Variants in FAM204A observed in about 807,000 individuals in gnomAD.
The protein encoded by FAM204A is family with sequence similarity 204 member A.
A neutral mutation model predicts 35.4 loss-of-function variants in FAM204A; 16 were observed. The observed-to-expected ratio is 0.45, with a 90% CI of 0.31 to 0.69. FAM204A has a LOEUF of 0.69. Ranked by LOEUF, FAM204A falls within the 30% of genes least tolerant of loss-of-function variation. FAM204A has a pLI of 0.07. For missense variants in FAM204A, 240 were observed against 265.7 expected (o/e 0.90, Z 0.67); for synonymous variants, 76 against 86.9 (o/e 0.88, Z 0.70).
intron 7 of FAM204A, among the ~76,000 whole-genome samples, chr10:118,317,539 G>A (rs1846050909): frequency 6.6e-6 from 1 of 151,898 alleles, no homozygotes; most frequent in Non-Finnish European, 1.5e-5. Context: ...AATGAGATTT[G>A]AATAAGCACA....
At chr10:118,316,561 G>A (rs1251010668) in intron 7 of FAM204A, among the ~76,000 whole-genome samples, 6 of 152,216 alleles carry the variant, frequency 3.9e-5, no homozygotes, top group South Asian at 2.1e-4. Flanking sequence ...ATGTTTGCAC[G>A]TTTGTATACT....
At chr10:118,338,648 C>A (rs1158399398) in intron 2 of FAM204A, among the ~76,000 whole-genome samples, 6 of 152,190 alleles carry the variant, frequency 3.9e-5, no homozygotes, top group African/African-American at 1.4e-4. Flanking sequence ...ATACACATAG[C>A]AAGTTTCTGC....
At chr10:118,339,600 T>A (rs773103457) in intron 2 of FAM204A, among the ~76,000 whole-genome samples, 1 of 152,218 alleles carries the variant, frequency 6.6e-6, no homozygotes, top group Non-Finnish European at 1.5e-5. Flanking sequence ...GCCAAGTCCA[T>A]ATAACAGCCA....
intron 7 of FAM204A, among the ~76,000 whole-genome samples, chr10:118,313,625 C>CA (rs1293207777): frequency 6.6e-6 from 1 of 152,112 alleles, no homozygotes; most frequent in Non-Finnish European, 1.5e-5. Flanking sequence ...TCCCCATCGC[C>CA]AAAACGTAAA....
intron 6 of FAM204A, 56 bp from the exon 7 acceptor site, chr10:118,326,299 G>C (rs1846196876): frequency 7.0e-7 from 1 of 1,422,512 alleles, no homozygotes; most frequent in Non-Finnish European, 9.9e-7. Flanking sequence ...ACATTTGCTA[G>C]CCAAGACCAT....
In FAM204A at chr10:118,302,542, T is replaced by C. The variant is rs948366240; in HGVS notation, c.*8315A>G. The stretch of plus-strand genomic sequence containing the variant: ...CACAGAAACATCTGAGGACTTTAAT[T>C]AAGCCCTCCACCATCGGGAATGGAA... On this transcript the variant is annotated 3_prime_UTR_variant, in exon 9 of 9. Transcript: ENST00000369183. 4 of 152,240 alleles carry C rather than the reference T, an allele frequency of 2.6e-5. No homozygotes were observed. Among genetic ancestry groups the C allele is most frequent in the Admixed American group, 6.5e-5 (1 of 15,286 alleles). The allele number at this position is 152,240 out of a possible 1,614,324, so 9.4% of individuals were successfully genotyped here.
chr10:118,334,370 G>T (rs57052078), intron 6 of FAM204A, among the ~76,000 whole-genome samples: 1 of 152,188 alleles, frequency 6.6e-6, no homozygotes, highest in Admixed American at 6.5e-5. Flanking sequence ...CAATCCAGAG[G>T]CAAGTATCAT....
intron 7 of FAM204A, among the ~76,000 whole-genome samples, chr10:118,323,529 T>A (rs1385474694): frequency 6.6e-6 from 1 of 152,068 alleles, no homozygotes; most frequent in Non-Finnish European, 1.5e-5. Flanking sequence ...ACCTTCTGCA[T>A]CCCTAAGGAC....
chr10:118,322,319 C>T (rs886344105), intron 7 of FAM204A: 5 of 455,614 alleles, frequency 1.1e-5, no homozygotes, highest in South Asian at 3.1e-5. Context: ...AGTAGTTAAT[C>T]GAAGTAACAC....
chr10:118,313,738 T>C (rs1202496582), intron 7 of FAM204A, among the ~76,000 whole-genome samples: 1 of 152,196 alleles, frequency 6.6e-6, no homozygotes, highest in Non-Finnish European at 1.5e-5. Context: ...CTAGCTTCTC[T>C]TATATTTCAA....
chr10:118,337,969 G>C (rs923374828), intron 2 of FAM204A, among the ~76,000 whole-genome samples: 16 of 152,112 alleles, frequency 1.1e-4, no homozygotes, highest in Non-Finnish European at 2.4e-4. Context: ...GCAATCATTT[G>C]CTTCCTTGAT....
Position 118,307,034 on chromosome 10 carries a change from G to A in FAM204A, c.*3823C>T, listed in dbSNP as rs1434150553. The A allele has an allele frequency of 6.6e-6, 1 of 152,032 alleles. No homozygotes were observed. The highest frequency in any genetic ancestry group is 1.5e-5 in the Non-Finnish European group (1 of 68,004). The allele number at this position is 152,032 out of a possible 1,614,324, so 9.4% of individuals were successfully genotyped here. A position where few individuals can be genotyped will look rare whatever the true frequency, so the allele number is the denominator to read the frequency against. On this transcript the variant is annotated 3_prime_UTR_variant, in exon 9 of 9. Transcript: ENST00000369183. ...CTTATTGTCTCAGTATCCTACAAAG[G>A]CCAAGAATATATATTGATAAATTTA...
At chr10:118,335,063 TCA>T in intron 6 of FAM204A, 49 bp downstream of exon 6, 1 of 1,355,522 alleles carries the variant, frequency 7.4e-7, no homozygotes, top group Non-Finnish European at 1.0e-6. Context: ...GCGAGGCTAA[TCA>T]CAAACATATC....
Position 118,301,875 on chromosome 10 carries a change from CAT to C in FAM204A, c.*8980_*8981del, listed in dbSNP as rs1399379466. 1.3e-5 allele frequency: 2 copies of C among 152,340 alleles called. No individual in the cohort carries two copies. Among genetic ancestry groups the C allele is most frequent in the African/African-American group, 4.8e-5 (2 of 41,460 alleles). 9.4% of individuals were successfully genotyped at this position (152,340 alleles called of 1,614,324 possible). ...GCTGGGATTCAAATCTGGCTTGCTT[CAT>C]AGTCCAGGGTGTAGCAGTTTCACTA... is the stretch of plus-strand genomic sequence containing the variant. On this transcript the variant is annotated 3_prime_UTR_variant, in exon 9 of 9. Coordinates refer to ENST00000369183, the MANE Select transcript of FAM204A (RefSeq NM_022063.3).
intron 7 of FAM204A, among the ~76,000 whole-genome samples, chr10:118,314,976 A>G (rs1371703641): frequency 1.3e-5 from 2 of 152,094 alleles, no homozygotes; most frequent in African/African-American, 4.8e-5. Flanking sequence ...ATATATTAAA[A>G]GCCATAAAAG....
Position 118,336,429 on chromosome 10 carries a change from A to G in FAM204A, c.-8-6T>C. 1 of 1,597,504 alleles carries G rather than the reference A, an allele frequency of 6.3e-7. No homozygotes were observed. Among genetic ancestry groups the G allele is most frequent in the Middle Eastern group, 1.7e-4 (1 of 5,960 alleles). Reference sequence around the variant, plus strand: ...CCCACTCCACATCTTTTCTTCTATGAGGAAAAAGATTAATTTACACATGTA... The same window carrying G: ...CCCACTCCACATCTTTTCTTCTATGGGGAAAAAGATTAATTTACACATGTA... On this transcript the variant is annotated splice_region_variant and splice_polypyrimidine_tract_variant and intron_variant, in intron 2 of 8. Coordinates refer to ENST00000369183, the MANE Select transcript of FAM204A (RefSeq NM_022063.3).
chr10:118,320,017 C>CGG (rs1846087084), intron 7 of FAM204A, among the ~76,000 whole-genome samples: 1 of 151,900 alleles, frequency 6.6e-6, no homozygotes, highest in Non-Finnish European at 1.5e-5. Context: ...ATAGGTATAA[C>CGG]TGAAATCAAC....
intron 6 of FAM204A, among the ~76,000 whole-genome samples, chr10:118,334,496 C>G (rs1194103123): frequency 1.3e-5 from 2 of 152,176 alleles, no homozygotes; most frequent in Non-Finnish European, 2.9e-5. Context: ...CTGTTCTGTT[C>G]TCATCTATTT....
intron 7 of FAM204A, chr10:118,322,244 CACTT>C (rs1382136006): frequency 9.2e-6 from 4 of 436,126 alleles, no homozygotes; most frequent in African/African-American, 8.1e-5. Flanking sequence ...CCCCACAAGA[CACTT>C]ATTTATTCCA....
Sources: gnomAD v4.1 joint callset for allele counts (sites outside exome capture counted in the v4.1 genomes callset) on GRCh38, gnomAD v4.1.1 for gene constraint, MANE v1.5 for transcripts, NCBI Gene and HGNC (gene_info 2026-07-23, HGNC 2026-07-21) for gene names.